The following WARS2 variants were observed in gnomAD, a reference collection of about 807,000 sequenced individuals.
The protein encoded by WARS2 is tryptophan--tRNA ligase, mitochondrial.
In WARS2, 28 loss-of-function variants were observed where a neutral mutation model predicts 36.5. That is an observed-to-expected ratio of 0.77 (90% CI 0.57 to 1.05). The LOEUF (loss-of-function observed/expected upper bound fraction) is 1.05. WARS2 is among the 50% of genes least tolerant of loss of function. WARS2 has a pLI of 0.00. For synonymous variants in WARS2, 174 were observed against 178.4 expected, an observed-to-expected ratio of 0.98 and a Z score of 0.20; for missense variants, 435 against 456.8, an observed-to-expected ratio of 0.95 and a Z score of 0.44.
intron 2 of WARS2, among the ~76,000 whole-genome samples, chr1:119,070,440 A>AT (rs1557958917): frequency 6.6e-6 from 1 of 151,638 alleles, no homozygotes; most frequent in African/African-American, 2.4e-5. Context: ...TAATTTTTTA[A>AT]TTTTTTTGTA....
chr1:119,127,343 T>C (rs902726641), intron 1 of WARS2: 39 of 501,712 alleles, frequency 7.8e-5, no homozygotes, highest in Non-Finnish European at 1.4e-4. Context: ...GTCTCTGTTT[T>C]ACAGATGAAA....
chr1:119,064,002 C>A (rs961272144), intron 2 of WARS2: 1 of 152,222 alleles, frequency 6.6e-6, no homozygotes, highest in South Asian at 2.1e-4. Context: ...CAGCTTGCAC[C>A]GTGAGCCTGG....
intron 2 of WARS2, among the ~76,000 whole-genome samples, chr1:119,068,587 G>A (rs1040464376): frequency 2.0e-5 from 3 of 152,030 alleles, no homozygotes; most frequent in Non-Finnish European, 4.4e-5. Context: ...TCCTTGCCTT[G>A]GCAGAAATCC....
intron 2 of WARS2, among the ~76,000 whole-genome samples, chr1:119,048,884 C>G (rs572415907): frequency 1.3e-5 from 2 of 151,934 alleles, no homozygotes; most frequent in Non-Finnish European, 2.9e-5. Flanking sequence ...GCCAATATGG[C>G]GAAACCCGTC....
At chr1:119,088,416 A>G (rs2101391619) in intron 1 of WARS2, among the ~76,000 whole-genome samples, 1 of 149,420 alleles carries the variant, frequency 6.7e-6, no homozygotes, top group South Asian at 2.1e-4. Flanking sequence ...AAAGCTGCCA[A>G]CCTGCTAGGA....
chr1:119,083,302 T>C (rs1163694057), intron 1 of WARS2, among the ~76,000 whole-genome samples: 1 of 152,162 alleles, frequency 6.6e-6, no homozygotes, highest in African/African-American at 2.4e-5. Flanking sequence ...CCCTCTACCA[T>C]GTAAGGACAC....
intron 2 of WARS2, 136 bp from the exon 3 acceptor site, chr1:119,045,798 CT>C: frequency 1.5e-6 from 1 of 677,296 alleles, no homozygotes; most frequent in Non-Finnish European, 2.5e-6. Context: ...GTGAAGGGGG[CT>C]TAGTTCTGAT....
At chr1:119,070,562 C>T (rs978635395) in intron 2 of WARS2, among the ~76,000 whole-genome samples, 1 of 150,940 alleles carries the variant, frequency 6.6e-6, no homozygotes, top group Admixed American at 6.6e-5. Context: ...CCACCATGTC[C>T]AGCCAGCCTT....
intron 2 of WARS2, among the ~76,000 whole-genome samples, chr1:119,061,291 C>T (rs1421175684): frequency 1.3e-5 from 2 of 151,960 alleles, no homozygotes; most frequent in African/African-American, 2.4e-5. Flanking sequence ...ATTATTACAA[C>T]TATGCTTAAA....
intron 2 of WARS2, among the ~76,000 whole-genome samples, chr1:119,052,132 CAGAA>C (rs1190127837): frequency 1.3e-5 from 2 of 151,956 alleles, no homozygotes; most frequent in African/African-American, 4.8e-5. Context: ...ATTTAATTAA[CAGAA>C]AGAGTGCAGG....
At chr1:119,091,805 CCT>C (rs1653068241) in intron 1 of WARS2, among the ~76,000 whole-genome samples, 1 of 152,116 alleles carries the variant, frequency 6.6e-6, no homozygotes, top group African/African-American at 2.4e-5. Flanking sequence ...TGATGGTTTC[CCT>C]CTCTCTTTTT....
chr1:119,033,228 T>C lies in WARS2; in HGVS notation c.766A>G (p.Thr256Ala). The C allele has an allele frequency of 6.2e-7, 1 of 1,614,266 alleles. No individual in the cohort carries two copies. The change falls in exon 6 of 6, where the codon ACA becomes GCA. Residue 256 changes from threonine to alanine, a missense_variant. Coordinates refer to ENST00000235521, the MANE Select transcript of WARS2 (RefSeq NM_015836.4). ...TAGGTGACCTCCGAGGTGAAGTCTG[T>C]CACAGCCTTGCGGAATTTCTGCACT... ...EIVQKFRKAV[T>A]DFTSEVTYDP...
intron 1 of WARS2, among the ~76,000 whole-genome samples, chr1:119,092,484 T>C (rs1220337995): frequency 6.6e-6 from 1 of 152,230 alleles, no homozygotes; most frequent in African/African-American, 2.4e-5. Context: ...AACTTAATAC[T>C]ATATCCCAAA....
chr1:119,130,582 A>C lies in WARS2; in HGVS notation c.90+9973T>G, dbSNP rs587768278. On this transcript the variant is annotated intron_variant, in intron 1 of 5. Transcript: ENST00000235521. ...TTGGGCAATAATAAGATCACTTATT[A>C]ACTGCAACAAACATTACACAACTTT... is the stretch of plus-strand genomic sequence containing the variant. Among the ~76,000 whole-genome samples the C allele has an allele frequency of 2.6e-5, 4 of 152,354 alleles. No individual in the cohort carries two copies. In the East Asian group the frequency reaches 7.7e-4, roughly 29 times the overall value.
At chr1:119,033,547 T>C (rs1647627380) in intron 5 of WARS2, among the ~76,000 whole-genome samples, 188 bp from the exon 6 acceptor site, 1 of 152,236 alleles carries the variant, frequency 6.6e-6, no homozygotes, top group African/African-American at 2.4e-5. Flanking sequence ...CCATTCTGTT[T>C]TTCACTTTCA....
chr1:119,110,502 T>C (rs1654551935), intron 1 of WARS2, among the ~76,000 whole-genome samples: 1 of 152,090 alleles, frequency 6.6e-6, no homozygotes, highest in South Asian at 2.1e-4. Context: ...TTGTAATTCT[T>C]ATCTTTATTC....
chr1:119,129,199 G>T (rs187552576), intron 1 of WARS2, among the ~76,000 whole-genome samples: 1 of 152,280 alleles, frequency 6.6e-6, no homozygotes, highest in Admixed American at 6.5e-5. Flanking sequence ...GCTTTTGGGA[G>T]GTGATCAGTG....
chr1:119,124,048 G>A (rs1361078674), intron 1 of WARS2, among the ~76,000 whole-genome samples: 2 of 152,076 alleles, frequency 1.3e-5, no homozygotes, highest in African/African-American at 4.8e-5. Flanking sequence ...TCCCAAAATC[G>A]TGTTACTGTT....
At chr1:119,133,751 T>A (rs897167190) in intron 1 of WARS2, among the ~76,000 whole-genome samples, 1 of 152,198 alleles carries the variant, frequency 6.6e-6, no homozygotes, top group Admixed American at 6.5e-5. Context: ...AACATTAAAC[T>A]AATTTTAGTA....
Sources: allele counts gnomAD v4.1 joint callset (sites outside exome capture counted in the v4.1 genomes callset), GRCh38; gene constraint gnomAD v4.1.1; transcripts MANE v1.5; gene names NCBI Gene and HGNC (gene_info 2026-07-23, HGNC 2026-07-21).